The following PACRG variants were observed in gnomAD, a reference collection of about 807,000 sequenced individuals.
PACRG encodes the protein parkin coregulated.
A neutral mutation model predicts 29.7 loss-of-function variants in PACRG; 29 were observed. The observed-to-expected ratio is 0.98, with a 90% CI of 0.73 to 1.33. The LOEUF (loss-of-function observed/expected upper bound fraction) is 1.33. Ranked by LOEUF, PACRG falls within the 40% of genes most tolerant of loss-of-function variation. The probability of loss-of-function intolerance (pLI) is 0.00; values close to 1 mark genes in which losing one functional copy is unlikely to be tolerated. For synonymous variants in PACRG, 116 were observed against 118.7 expected, an observed-to-expected ratio of 0.98 and a Z score of 0.15; for missense variants, 279 against 316.2, an observed-to-expected ratio of 0.88 and a Z score of 0.89.
chr6:162,985,073 C>T (rs1273269804), intron 2 of PACRG, among the ~76,000 whole-genome samples: 2 of 151,860 alleles, frequency 1.3e-5, no homozygotes, highest in Admixed American at 1.3e-4. Flanking sequence ...TAAAAACTGT[C>T]ACCAAAAAAA....
At chr6:163,159,916 C>T (rs1464640350) in intron 4 of PACRG, among the ~76,000 whole-genome samples, 1 of 152,224 alleles carries the variant, frequency 6.6e-6, no homozygotes, top group Non-Finnish European at 1.5e-5. Flanking sequence ...TCTCCTGCCT[C>T]CTTCCAGGAT....
chr6:163,006,428 G>A (rs936409710), intron 2 of PACRG, among the ~76,000 whole-genome samples: 1 of 151,368 alleles, frequency 6.6e-6, no homozygotes, highest in Non-Finnish European at 1.5e-5. Flanking sequence ...GTCAATTTAG[G>A]TCAATAAGTT....
intron 4 of PACRG, among the ~76,000 whole-genome samples, chr6:163,276,891 T>G (rs187741111): frequency 1.3e-5 from 2 of 152,326 alleles, no homozygotes; most frequent in East Asian, 3.9e-4. Context: ...TTACCCAGTC[T>G]AAGATATTTG....
intron 2 of PACRG, among the ~76,000 whole-genome samples, chr6:163,008,891 A>G (rs1805370344): frequency 6.6e-6 from 1 of 152,022 alleles, no homozygotes; most frequent in African/African-American, 2.4e-5. Context: ...TGAAACTTCA[A>G]TGAGCTTTAG....
At chr6:163,102,289 C>T (rs1380576145) in intron 4 of PACRG, among the ~76,000 whole-genome samples, 1 of 152,150 alleles carries the variant, frequency 6.6e-6, no homozygotes, top group Non-Finnish European at 1.5e-5. Context: ...CAGTAAAATC[C>T]AGCACTGATG....
intron 4 of PACRG, among the ~76,000 whole-genome samples, chr6:163,147,385 A>T (rs1225437679): frequency 6.6e-6 from 1 of 152,196 alleles, no homozygotes; most frequent in Non-Finnish European, 1.5e-5. Flanking sequence ...TTTAATCCTC[A>T]TGAAATCTGA....
At chr6:162,967,341 A>G (rs1026761652) in intron 2 of PACRG, among the ~76,000 whole-genome samples, 3 of 152,116 alleles carry the variant, frequency 2.0e-5, no homozygotes, top group Non-Finnish European at 2.9e-5. Context: ...TAGAAATCTG[A>G]AAGTGTGTTA....
At chr6:162,954,494 A>G (rs1251458741) in intron 2 of PACRG, among the ~76,000 whole-genome samples, 2 of 150,698 alleles carry the variant, frequency 1.3e-5, no homozygotes, top group Non-Finnish European at 2.9e-5. Context: ...TGCTCTAAAT[A>G]TTTAAACATT....
chr6:163,112,401 G>T (rs1478088704), intron 4 of PACRG, among the ~76,000 whole-genome samples: 1 of 152,168 alleles, frequency 6.6e-6, no homozygotes, highest in Non-Finnish European at 1.5e-5. Context: ...AAAACTTGGG[G>T]ACCTGTGTTC....
chr6:163,245,022 T>C, intron 4 of PACRG: 1 of 455,656 alleles, frequency 2.2e-6, no homozygotes, highest in Non-Finnish European at 4.4e-6. Context: ...TTCTACCATT[T>C]TCTACCATCA....
At chr6:162,815,233 A>G (rs1233204165) in intron 2 of PACRG, among the ~76,000 whole-genome samples, 1 of 152,130 alleles carries the variant, frequency 6.6e-6, no homozygotes, top group Non-Finnish European at 1.5e-5. Flanking sequence ...TGGGAAGTCC[A>G]GCAGTCGTGA....
chr6:162,989,092 A>G (rs192250505), intron 2 of PACRG, among the ~76,000 whole-genome samples: 2 of 152,272 alleles, frequency 1.3e-5, no homozygotes, highest in East Asian at 1.9e-4. Context: ...GAACCAAGCA[A>G]TGGCAGTGAG....
At chr6:162,957,039 T>TAA (rs1173815340) in intron 2 of PACRG, among the ~76,000 whole-genome samples, 3 of 144,684 alleles carry the variant, frequency 2.1e-5, no homozygotes, top group Non-Finnish European at 4.6e-5. Context: ...GTAAAGCGTT[T>TAA]AAAAAAAAAA....
At chr6:162,956,911 T>C (rs1378188774) in intron 2 of PACRG, among the ~76,000 whole-genome samples, 1 of 152,072 alleles carries the variant, frequency 6.6e-6, no homozygotes, top group East Asian at 1.9e-4. Flanking sequence ...TTTTCTGGGG[T>C]GTTCAAGTTG....
intron 3 of PACRG, among the ~76,000 whole-genome samples, chr6:163,078,227 G>T (rs567183610): frequency 6.6e-6 from 1 of 152,140 alleles, no homozygotes; most frequent in African/African-American, 2.4e-5. Context: ...AGGACCGGGC[G>T]CAGTGGCTCA....
intron 2 of PACRG, among the ~76,000 whole-genome samples, chr6:162,847,419 C>T (rs963572659): frequency 6.6e-6 from 1 of 151,870 alleles, no homozygotes; most frequent in Non-Finnish European, 1.5e-5. Flanking sequence ...ACTTCAGTTT[C>T]CCCTTTTTTG....
intron 1 of PACRG, among the ~76,000 whole-genome samples, chr6:162,787,425 A>G (rs529815282): frequency 6.6e-6 from 1 of 151,264 alleles, no homozygotes; most frequent in Non-Finnish European, 1.5e-5. Context: ...GTAGGCATAT[A>G]TATATACACA....
At chr6:162,763,699 A>G (rs542324436) in intron 1 of PACRG, among the ~76,000 whole-genome samples, 2 of 152,324 alleles carry the variant, frequency 1.3e-5, no homozygotes, top group East Asian at 1.9e-4. Flanking sequence ...ATATTTCTTT[A>G]TGAAATAGAT....
chr6:162,798,747 A>G (rs1378063235), intron 1 of PACRG, among the ~76,000 whole-genome samples: 2 of 152,176 alleles, frequency 1.3e-5, no homozygotes, highest in Non-Finnish European at 2.9e-5. Context: ...GTGGTTACTC[A>G]TATGTCATCG....
Sources: gnomAD v4.1 joint callset for allele counts (sites outside exome capture counted in the v4.1 genomes callset) on GRCh38, gnomAD v4.1.1 for gene constraint, MANE v1.5 for transcripts, NCBI Gene and HGNC (gene_info 2026-07-23, HGNC 2026-07-21) for gene names.